The following SCHIP1 variants were observed in gnomAD, a reference collection of about 807,000 sequenced individuals.
SCHIP1 encodes the protein schwannomin interacting protein 1.
In SCHIP1, 8 loss-of-function variants were observed where a neutral mutation model predicts 29.7. The ratio of observed to expected loss-of-function variants is 0.27; its 90% confidence interval spans 0.16 to 0.49. The LOEUF is 0.49. Among genes scored for constraint, SCHIP1 ranks in the 20% least tolerant of loss-of-function variants. The pLI, the probability that SCHIP1 is intolerant of heterozygous loss-of-function variation, is 0.99. For missense variants in SCHIP1, 193 were observed against 294.6 expected, an observed-to-expected ratio of 0.66 and a Z score of 2.52; for synonymous variants, 76 against 94.9, an observed-to-expected ratio of 0.80 and a Z score of 1.16.
chr3:159,801,069 G>T, the SCHIP1 span, among the ~76,000 whole-genome samples: 3 of 151,072 alleles, frequency 2.0e-5, no homozygotes, highest in Non-Finnish European at 4.4e-5. Flanking sequence ...GCTGGCATCT[G>T]CTTTTCTTCC....
chr3:159,682,506 G>A, the SCHIP1 span, among the ~76,000 whole-genome samples: 2 of 152,222 alleles, frequency 1.3e-5, no homozygotes, highest in East Asian at 1.9e-4. Flanking sequence ...GCTTAAATGA[G>A]TAGATGGTAA....
the SCHIP1 span, among the ~76,000 whole-genome samples, chr3:159,428,827 A>C: frequency 6.6e-6 from 1 of 152,226 alleles, no homozygotes; most frequent in Non-Finnish European, 1.5e-5. Context: ...CTGGATTAAG[A>C]AAATGTGGCA....
At chr3:159,735,268 C>G in the SCHIP1 span, among the ~76,000 whole-genome samples, 1 of 149,926 alleles carries the variant, frequency 6.7e-6, no homozygotes, top group African/African-American at 2.5e-5. Flanking sequence ...CTTGCTCTGT[C>G]GCCCAGGCTG....
chr3:159,352,739 T>C, the SCHIP1 span, among the ~76,000 whole-genome samples: 15 of 151,302 alleles, frequency 9.9e-5, no homozygotes, highest in Admixed American at 7.3e-4. Flanking sequence ...CCTATTGCTA[T>C]AATTTTGTTA....
chr3:159,309,912 AATAATTAC>A, the SCHIP1 span, among the ~76,000 whole-genome samples: 1 of 152,208 alleles, frequency 6.6e-6, no homozygotes, highest in Non-Finnish European at 1.5e-5. Flanking sequence ...AAGAATCAAT[AATAATTAC>A]CTTGGTGTAA....
the SCHIP1 span, among the ~76,000 whole-genome samples, chr3:159,810,887 T>C: frequency 6.6e-6 from 1 of 152,248 alleles, no homozygotes; most frequent in Non-Finnish European, 1.5e-5. Flanking sequence ...TGCCAAACTG[T>C]TTTCCAAAGT....
intron 1 of SCHIP1, among the ~76,000 whole-genome samples, chr3:159,844,171 A>G (rs914359016): frequency 6.6e-6 from 1 of 152,188 alleles, no homozygotes; most frequent in Non-Finnish European, 1.5e-5. Context: ...GCCCAGGGAA[A>G]CTGTGTCTCA....
At chr3:159,443,158 T>C in the SCHIP1 span, among the ~76,000 whole-genome samples, 202 of 152,324 alleles carry the variant, frequency 1.3e-3, no homozygotes, top group Middle Eastern at 0.024. Context: ...CGATTCTCTC[T>C]GACAGGCTGG....
chr3:159,757,465 T>C, the SCHIP1 span, among the ~76,000 whole-genome samples: 4 of 152,218 alleles, frequency 2.6e-5, no homozygotes, highest in African/African-American at 9.7e-5. Flanking sequence ...TTATGGGAGC[T>C]ACAAGATGAG....
At chr3:159,822,735 G>A in the SCHIP1 span, among the ~76,000 whole-genome samples, 6 of 151,266 alleles carry the variant, frequency 4.0e-5, no homozygotes, top group South Asian at 2.1e-4. Context: ...TTCAAGACAT[G>A]AGGCAGAGTA....
At chr3:159,749,043 G>A in the SCHIP1 span, among the ~76,000 whole-genome samples, 1 of 152,110 alleles carries the variant, frequency 6.6e-6, no homozygotes, top group Non-Finnish European at 1.5e-5. Flanking sequence ...AGGCTGAGGT[G>A]GACAGATTGC....
the SCHIP1 span, among the ~76,000 whole-genome samples, chr3:159,362,510 A>G: frequency 6.6e-6 from 1 of 152,244 alleles, no homozygotes; most frequent in African/African-American, 2.4e-5. Flanking sequence ...ATACATGATT[A>G]GATACATTTT....
chr3:159,543,123 ATATAT>A, the SCHIP1 span, among the ~76,000 whole-genome samples: 1 of 144,218 alleles, frequency 6.9e-6, no homozygotes, highest in East Asian at 2.0e-4. Flanking sequence ...GTGTGTATAT[ATATAT>A]ATATATATAG....
At chr3:159,844,540 C>A (rs1021354528) in intron 1 of SCHIP1, among the ~76,000 whole-genome samples, 1 of 152,208 alleles carries the variant, frequency 6.6e-6, no homozygotes, top group Admixed American at 6.5e-5. Context: ...ATAGAGCTAT[C>A]GACCTCCATT....
the SCHIP1 span, among the ~76,000 whole-genome samples, chr3:159,551,653 C>A: frequency 2.6e-5 from 4 of 151,942 alleles, no homozygotes; most frequent in African/African-American, 4.8e-5. Context: ...TCAAATATGG[C>A]AAATGTTAAG....
At chr3:159,758,930 A>G in the SCHIP1 span, among the ~76,000 whole-genome samples, 1 of 152,230 alleles carries the variant, frequency 6.6e-6, no homozygotes, top group African/African-American at 2.4e-5. Context: ...CATTCAGGAT[A>G]ATCTTCATTT....
At chr3:159,445,469 C>G in the SCHIP1 span, among the ~76,000 whole-genome samples, 1 of 151,544 alleles carries the variant, frequency 6.6e-6, no homozygotes, top group South Asian at 2.1e-4. Context: ...GTCAGTGTGG[C>G]GATTCCTCAG....
chr3:159,432,797 T>C, the SCHIP1 span, among the ~76,000 whole-genome samples: 1 of 152,178 alleles, frequency 6.6e-6, no homozygotes, highest in Non-Finnish European at 1.5e-5. Context: ...TTTGCATTGA[T>C]AATAGAATGG....
At chr3:159,306,473 A>T in the SCHIP1 span, 1 of 191,720 alleles carries the variant, frequency 5.2e-6, no homozygotes, top group Non-Finnish European at 9.6e-6. Context: ...CTAATCCTGC[A>T]ATACATTTTT....
Sources: allele counts gnomAD v4.1 joint callset (sites outside exome capture counted in the v4.1 genomes callset), GRCh38; gene constraint gnomAD v4.1.1; transcripts MANE v1.5; gene names NCBI Gene and HGNC (gene_info 2026-07-23, HGNC 2026-07-21).